EPB41L4A: variants seen among roughly 807,000 people sequenced by gnomAD.
EPB41L4A encodes the protein erythrocyte membrane protein band 4.1 like 4A.
A neutral mutation model predicts 108.6 loss-of-function variants in EPB41L4A; 100 were observed. The ratio of observed to expected loss-of-function variants is 0.92; its 90% CI spans 0.78 to 1.09. The LOEUF (loss-of-function observed/expected upper bound fraction) is 1.09, where lower values mean the gene tolerates loss of function less well. Among genes scored for constraint, EPB41L4A ranks in the 50% least tolerant of loss-of-function variants. The pLI is 0.00. For synonymous variants in EPB41L4A, 319 were observed against 289.0 expected (o/e 1.10, Z -1.05); for missense variants, 1,030 against 842.7 (o/e 1.22, Z -2.75).
intron 1 of EPB41L4A, among the ~76,000 whole-genome samples, chr5:112,417,655 C>A (rs1762791929): frequency 6.6e-6 from 1 of 152,114 alleles, no homozygotes; most frequent in Admixed American, 6.5e-5. Flanking sequence ...CGAAAAGAGT[C>A]TATTTTATTG....
intron 1 of EPB41L4A, among the ~76,000 whole-genome samples, chr5:112,410,987 A>G (rs1762376813): frequency 6.6e-6 from 1 of 151,920 alleles, no homozygotes; most frequent in South Asian, 2.1e-4. Flanking sequence ...CCCGCCCTGA[A>G]CCTCCTTTCC....
chr5:112,175,029 C>T (rs1417163322), intron 18 of EPB41L4A, among the ~76,000 whole-genome samples: 1 of 152,178 alleles, frequency 6.6e-6, no homozygotes, highest in African/African-American at 2.4e-5. Context: ...TCAGGAGGCA[C>T]TTCCGGGTTG....
At chr5:112,229,634 C>T (rs1580478482) in intron 12 of EPB41L4A, among the ~76,000 whole-genome samples, 1 of 152,112 alleles carries the variant, frequency 6.6e-6, no homozygotes, top group East Asian at 1.9e-4. Flanking sequence ...AGCTTAGCTC[C>T]CACTTAAAAA....
intron 1 of EPB41L4A, among the ~76,000 whole-genome samples, chr5:112,379,059 G>A (rs1760000571): frequency 6.6e-6 from 1 of 152,128 alleles, no homozygotes; most frequent in Non-Finnish European, 1.5e-5. Flanking sequence ...AAAGGTGGTG[G>A]AACACACTGA....
chr5:112,198,776 GC>G (rs1762084050), intron 15 of EPB41L4A, among the ~76,000 whole-genome samples: 1 of 151,918 alleles, frequency 6.6e-6, no homozygotes, highest in Non-Finnish European at 1.5e-5. Context: ...CTAATTTTAA[GC>G]CTAATAACTC....
intron 2 of EPB41L4A, among the ~76,000 whole-genome samples, chr5:112,297,455 C>T (rs1580632677): frequency 6.6e-6 from 1 of 151,964 alleles, no homozygotes; most frequent in South Asian, 2.1e-4. Flanking sequence ...GAATTGTCCA[C>T]TCATGTCCTT....
intron 1 of EPB41L4A, among the ~76,000 whole-genome samples, chr5:112,325,650 G>A (rs1043204257): frequency 1.3e-5 from 2 of 152,140 alleles, no homozygotes; most frequent in Non-Finnish European, 2.9e-5. Flanking sequence ...GTAATGAGGA[G>A]GTCATTTCAA....
chr5:112,328,295 C>T (rs930310869), intron 1 of EPB41L4A, among the ~76,000 whole-genome samples: 5 of 151,474 alleles, frequency 3.3e-5, no homozygotes, highest in Admixed American at 1.3e-4. Context: ...GGTGACACGG[C>T]GAGACTCCGA....
At chr5:112,325,345 G>A (rs2150640840) in intron 1 of EPB41L4A, among the ~76,000 whole-genome samples, 1 of 152,168 alleles carries the variant, frequency 6.6e-6, no homozygotes, top group East Asian at 1.9e-4. Context: ...GGAGGCTGAG[G>A]CAGGAAAATG....
At chr5:112,398,205 A>G (rs544078647) in intron 1 of EPB41L4A, among the ~76,000 whole-genome samples, 329 of 152,300 alleles carry the variant, frequency 2.2e-3, no homozygotes, top group African/African-American at 7.6e-3. Context: ...CATTCAATAT[A>G]TTAAAAAAAA....
Position 112,309,463 on chromosome 5 carries a change from G to A in EPB41L4A, c.100-1973C>T, listed in dbSNP as rs186144013. ...TGACAGACCAGATGACGTGGTAGGTGGAGGTGTAGATACTAAGATATTTAC... is the reference window on the plus strand; with the variant it reads ...TGACAGACCAGATGACGTGGTAGGTAGAGGTGTAGATACTAAGATATTTAC... On this transcript the variant is annotated intron_variant, in intron 1 of 22. Coordinates refer to ENST00000261486, the MANE Select transcript of EPB41L4A (RefSeq NM_022140.5). Among the ~76,000 whole-genome samples, 9 of 152,280 alleles carry A rather than the reference G, an allele frequency of 5.9e-5. No individual in the cohort carries two copies. In the East Asian group the frequency reaches 7.7e-4, roughly 13 times the overall value.
intron 17 of EPB41L4A, among the ~76,000 whole-genome samples, chr5:112,186,209 C>T (rs541439669): frequency 3.3e-5 from 5 of 152,134 alleles, no homozygotes; most frequent in Non-Finnish European, 7.4e-5. Context: ...GTCAGGAAGT[C>T]GGGGCGTCTA....
intron 15 of EPB41L4A, among the ~76,000 whole-genome samples, chr5:112,202,649 T>G (rs1762274085): frequency 6.6e-6 from 1 of 152,160 alleles, no homozygotes; most frequent in Admixed American, 6.5e-5. Flanking sequence ...CTCATGTCAG[T>G]CCTACTACAT....
intron 15 of EPB41L4A, among the ~76,000 whole-genome samples, chr5:112,204,139 A>G (rs1762351742): frequency 6.6e-6 from 1 of 151,622 alleles, no homozygotes; most frequent in South Asian, 2.1e-4. Context: ...TTATTCATAA[A>G]TAGAATACAG....
chr5:112,167,776 C>A (rs982608554), intron 22 of EPB41L4A, among the ~76,000 whole-genome samples: 2 of 152,180 alleles, frequency 1.3e-5, no homozygotes, highest in African/African-American at 2.4e-5. Flanking sequence ...GCATGCAGAT[C>A]TCCATTTCAG....
At chr5:112,413,767 G>A (rs1762544909) in intron 1 of EPB41L4A, among the ~76,000 whole-genome samples, 1 of 152,192 alleles carries the variant, frequency 6.6e-6, no homozygotes, top group African/African-American at 2.4e-5. Flanking sequence ...GGAATCTCAT[G>A]CATAAAGTCT....
At chr5:112,283,719 A>C (rs1489886864) in intron 2 of EPB41L4A, among the ~76,000 whole-genome samples, 1 of 152,182 alleles carries the variant, frequency 6.6e-6, no homozygotes, top group African/African-American at 2.4e-5. Flanking sequence ...CACTGTCCTT[A>C]GTATGGGAAC....
chr5:112,228,884 C>T, intron 12 of EPB41L4A: 2 of 221,246 alleles, frequency 9.0e-6, no homozygotes, highest in Non-Finnish European at 1.5e-5. Flanking sequence ...CAGCTGGGTG[C>T]AGGGCACTTG....
At chr5:112,358,702 A>C (rs1758520755) in intron 1 of EPB41L4A, among the ~76,000 whole-genome samples, 1 of 152,230 alleles carries the variant, frequency 6.6e-6, no homozygotes, top group Non-Finnish European at 1.5e-5. Context: ...TTCCACTTCT[A>C]GGTATACACA....
Sources: allele counts gnomAD v4.1 joint callset (sites outside exome capture counted in the v4.1 genomes callset), GRCh38; gene constraint gnomAD v4.1.1; transcripts MANE v1.5; gene names NCBI Gene and HGNC (gene_info 2026-07-23, HGNC 2026-07-21).